The following PKHD1L1 variants were observed in gnomAD, a reference collection of about 807,000 sequenced individuals.
PKHD1L1 encodes the protein PKHD1 like 1.
In PKHD1L1, 434 loss-of-function variants were observed where a neutral mutation model predicts 462.9. The observed-to-expected ratio is 0.94, with a 90% CI of 0.87 to 1.02. The LOEUF (loss-of-function observed/expected upper bound fraction) is 1.02. PKHD1L1 is among the 50% of genes least tolerant of loss of function. The pLI, the probability that PKHD1L1 is intolerant of heterozygous loss-of-function variation, is 0.00. For synonymous variants in PKHD1L1, 1,781 were observed against 1,750.0 expected (o/e 1.02, Z -0.44); for missense variants, 5,202 against 5,096.1 (o/e 1.02, Z -0.63).
chr8:109,463,924 G>A (rs1817274527), intron 48 of PKHD1L1, among the ~76,000 whole-genome samples: 1 of 152,080 alleles, frequency 6.6e-6, no homozygotes, highest in African/African-American at 2.4e-5. Flanking sequence ...CTTTCAAGAT[G>A]TTTTATTTCC....
intron 46 of PKHD1L1, among the ~76,000 whole-genome samples, chr8:109,458,642 A>G (rs186717822): frequency 5.7e-4 from 86 of 152,206 alleles, no homozygotes; most frequent in Non-Finnish European, 1.1e-3. Context: ...CTTTGAATCT[A>G]TTTCACATGT....
In PKHD1L1 at chr8:109,419,138, C is replaced by A. The variant is rs199909220; in HGVS notation, c.2402C>A (p.Thr801Lys). The A allele has an allele frequency of 1.8e-5, 29 of 1,613,192 alleles. No homozygotes were observed. In the Admixed American group the frequency reaches 2.8e-4, roughly 16 times the overall value. The change falls in exon 22 of 78, where the codon ACG becomes AAG. Residue 801 changes from threonine (T) to lysine (K), a missense_variant. This residue lies in a region of PKHD1L1 where 4,497 missense variants were observed against 4,336.8 expected (regional missense o/e 1.04). Coordinates refer to ENST00000378402, the MANE Select transcript of PKHD1L1 (RefSeq NM_177531.6). ...TCIDLLDLVR[T>K]KYTGTNVSLQ... Reference sequence around the variant, plus strand: ...ATAGACCTTCTGGATCTCGTAAGAACGAAATACACTGGGACAAATGTTTCT... The same window carrying A: ...ATAGACCTTCTGGATCTCGTAAGAAAGAAATACACTGGGACAAATGTTTCT...
At chr8:109,363,123 C>G (rs1026980798) in intron 1 of PKHD1L1, among the ~76,000 whole-genome samples, 1 of 152,148 alleles carries the variant, frequency 6.6e-6, no homozygotes, top group East Asian at 1.9e-4. Flanking sequence ...GGCAGCTGCC[C>G]TGTGTTTTCA....
intron 22 of PKHD1L1, 148 bp from the exon 23 acceptor site, chr8:109,420,370 T>A (rs1172941778): frequency 1.0e-5 from 5 of 482,858 alleles, no homozygotes; most frequent in African/African-American, 4.0e-5. Flanking sequence ...TGATTTTAAA[T>A]ACTTCATGAC....
rs563431506 is a variant in PKHD1L1 at position 109,519,600 on chromosome 8, C to A, written c.12031+1092C>A. Among the ~76,000 whole-genome samples, 9 of 152,126 alleles carry A rather than the reference C, an allele frequency of 5.9e-5. No homozygotes were observed. The East Asian group carries it at 9.7e-4, about 16-fold the overall frequency. ...ACAAGTACTCTGATCTAGGTGTACC[C>A]CTCCCCAAGAACAGGAAAGGCAGGT... is the stretch of plus-strand genomic sequence containing the variant. On this transcript the variant is annotated intron_variant, in intron 73 of 77. Coordinates refer to ENST00000378402, the MANE Select transcript of PKHD1L1 (RefSeq NM_177531.6).
intron 12 of PKHD1L1, 129 bp from the exon 13 acceptor site, chr8:109,399,947 G>A (rs934372641): frequency 1.7e-5 from 17 of 982,582 alleles, no homozygotes; most frequent in Non-Finnish European, 2.4e-5. Flanking sequence ...ATGTGTAATT[G>A]TTTTGTCTGC....
chr8:109,435,846 T>C (rs1391582321), intron 29 of PKHD1L1, among the ~76,000 whole-genome samples: 1 of 152,244 alleles, frequency 6.6e-6, no homozygotes, highest in Non-Finnish European at 1.5e-5. Flanking sequence ...TTTAGGGTTT[T>C]GTGCTTTGAT....
intron 23 of PKHD1L1, among the ~76,000 whole-genome samples, chr8:109,422,239 G>C (rs1312955055): frequency 6.6e-6 from 1 of 151,862 alleles, no homozygotes; most frequent in Non-Finnish European, 1.5e-5. Context: ...GTGTGTGCGT[G>C]TTTGTGTAGT....
At chr8:109,524,560 T>C (rs1383278545) in intron 76 of PKHD1L1, among the ~76,000 whole-genome samples, 1 of 152,200 alleles carries the variant, frequency 6.6e-6, no homozygotes, top group African/African-American at 2.4e-5. Flanking sequence ...ACCTTGTGAC[T>C]AAGGTCTTCA....
intron 2 of PKHD1L1, among the ~76,000 whole-genome samples, chr8:109,372,623 G>A (rs1481739163): frequency 3.3e-5 from 5 of 152,120 alleles, no homozygotes; most frequent in Admixed American, 1.3e-4. Context: ...TCCATTCAGT[G>A]TGATATTGGC....
chr8:109,470,553 A>C (rs1445892006), intron 50 of PKHD1L1: 2 of 1,608,596 alleles, frequency 1.2e-6, no homozygotes, highest in Non-Finnish European at 1.7e-6. Context: ...CCTTTATTGC[A>C]GGAACTATTC....
chr8:109,468,596 T>C (rs1034273781), intron 50 of PKHD1L1, among the ~76,000 whole-genome samples: 9 of 152,186 alleles, frequency 5.9e-5, no homozygotes, highest in African/African-American at 2.2e-4. Flanking sequence ...CCACTGTACA[T>C]TCTGGAACTG....
rs78872196 is a variant in PKHD1L1, at chr8:109,393,529, C to T, written c.741-886C>T. On this transcript the variant is annotated intron_variant, in intron 9 of 77. Coordinates refer to ENST00000378402, the MANE Select transcript of PKHD1L1 (RefSeq NM_177531.6). ...ACAGTTTTAACCCAGTCAATTGTTGCTAATTTGCTGTCATCCATTTGCAGT... is the reference window on the plus strand; with the variant it reads ...ACAGTTTTAACCCAGTCAATTGTTGTTAATTTGCTGTCATCCATTTGCAGT... Among the ~76,000 whole-genome samples the T allele has an allele frequency of 9.6e-3, 1,454 of 152,166 alleles. 20 individuals carry two copies. Among genetic ancestry groups the T allele is most frequent in the African/African-American group, 0.033 (1,372 of 41,510 alleles).
At chr8:109,514,924 C>T (rs1820184462) in intron 71 of PKHD1L1, among the ~76,000 whole-genome samples, 1 of 152,056 alleles carries the variant, frequency 6.6e-6, no homozygotes. Flanking sequence ...CTCAGAGATA[C>T]TCCTCTAATA....
chr8:109,376,491 C>T (rs559630338), intron 2 of PKHD1L1, among the ~76,000 whole-genome samples: 92 of 151,950 alleles, frequency 6.1e-4, no homozygotes, highest in African/African-American at 2.0e-3. Context: ...ACTCACAGTG[C>T]GCTGCACCCA....
chr8:109,478,430 G>C (rs1273283860), intron 53 of PKHD1L1, among the ~76,000 whole-genome samples: 1 of 152,108 alleles, frequency 6.6e-6, no homozygotes, highest in East Asian at 1.9e-4. Context: ...TGTGAGTTGT[G>C]ATAAATGTTA....
At position 109,413,065 on chromosome 8, in the gene PKHD1L1, C is replaced by G. The variant is rs1813942455; in HGVS notation, c.2236-356C>G. ...CCATTTAATCTGCCTGAATGTTTACCTCTCTTCTTTTCTATGTGCATTGGA... is the reference window on the plus strand; with the variant it reads ...CCATTTAATCTGCCTGAATGTTTACGTCTCTTCTTTTCTATGTGCATTGGA... On this transcript the variant is annotated intron_variant, in intron 20 of 77. Coordinates refer to ENST00000378402, the MANE Select transcript of PKHD1L1 (RefSeq NM_177531.6). 2.0e-5 allele frequency among the ~76,000 whole-genome samples: 3 copies of G among 152,006 alleles called. 1 individual carries two copies. The highest frequency in any genetic ancestry group is 4.4e-5 in the Non-Finnish European group (3 of 67,964).
At chr8:109,382,108 G>C (rs1307811528) in intron 3 of PKHD1L1, among the ~76,000 whole-genome samples, 7 of 152,128 alleles carry the variant, frequency 4.6e-5, no homozygotes, top group Non-Finnish European at 1.0e-4. Context: ...TGATTAACTA[G>C]TCCTTTTTAG....
chr8:109,470,931 G>A (rs1291394838), intron 50 of PKHD1L1: 7 of 1,603,072 alleles, frequency 4.4e-6, no homozygotes, highest in African/African-American at 1.3e-5. Flanking sequence ...AATGAGGAAG[G>A]ATTTCTGAAC....
Sources: allele counts gnomAD v4.1 joint callset (sites outside exome capture counted in the v4.1 genomes callset), GRCh38; gene constraint gnomAD v4.1.1; regional missense constraint gnomAD v4.1.1; transcripts MANE v1.5; gene names NCBI Gene and HGNC (gene_info 2026-07-23, HGNC 2026-07-21).